Variants in SCTR observed in about 807,000 individuals in gnomAD.
SCTR encodes the protein secretin receptor, also known as pancreatic secretin receptor.
A neutral mutation model predicts 60.8 loss-of-function variants in SCTR; 56 were observed. That is an observed-to-expected ratio of 0.92 (90% CI 0.74 to 1.15). The LOEUF (loss-of-function observed/expected upper bound fraction) is 1.15. Ranked by LOEUF, SCTR falls within the 50% of genes most tolerant of loss-of-function variation. SCTR has a pLI of 0.00. For synonymous variants in SCTR, 202 were observed against 217.0 expected (o/e 0.93, Z 0.61); for missense variants, 562 against 550.4 (o/e 1.02, Z -0.21).
intron 1 of SCTR, among the ~76,000 whole-genome samples, chr2:119,507,835 C>A (rs1322018392): frequency 1.3e-5 from 2 of 151,782 alleles, no homozygotes; most frequent in African/African-American, 4.8e-5. Flanking sequence ...CCAGCCACCA[C>A]GCCCAACTAA....
At chr2:119,522,017 G>A (rs576734370) in intron 1 of SCTR, among the ~76,000 whole-genome samples, 1 of 152,190 alleles carries the variant, frequency 6.6e-6, no homozygotes, top group Non-Finnish European at 1.5e-5. Flanking sequence ...AGGGACCGCC[G>A]GGCGCGGTGG....
chr2:119,439,984 G>A lies in SCTR; in HGVS notation c.*133C>T, dbSNP rs561629309. Reference sequence around the variant, plus strand: ...TCACATCCCTTCGGAAGAGTCCAAGGCCTGGGGAGGGGCATCTTCAGCTGA... The same window carrying A: ...TCACATCCCTTCGGAAGAGTCCAAGACCTGGGGAGGGGCATCTTCAGCTGA... On this transcript the variant is annotated 3_prime_UTR_variant, in exon 13 of 13. Transcript: ENST00000019103. The A allele has an allele frequency of 4.0e-5, 37 of 925,210 alleles. No homozygotes were observed. In the South Asian group the frequency reaches 6.2e-4, roughly 16 times the overall value. 57.3% of individuals were successfully genotyped at this position (925,210 alleles called of 1,614,324 possible).
At chr2:119,464,454 GAAA>G (rs11323674) in intron 5 of SCTR, among the ~76,000 whole-genome samples, 199 bp from the exon 6 acceptor site, 1 of 126,802 alleles carries the variant, frequency 7.9e-6, no homozygotes, top group African/African-American at 2.9e-5. Flanking sequence ...GCTGCAGTGA[GAAA>G]AAAAAAAAAA....
intron 4 of SCTR, among the ~76,000 whole-genome samples, chr2:119,467,019 A>C (rs1313043775): frequency 1.3e-5 from 2 of 152,162 alleles, no homozygotes; most frequent in Non-Finnish European, 2.9e-5. Context: ...TCACTTATTC[A>C]GCAGCCACTT....
intron 1 of SCTR, among the ~76,000 whole-genome samples, chr2:119,502,975 C>G (rs1678601891): frequency 1.4e-5 from 2 of 138,644 alleles, no homozygotes; most frequent in Admixed American, 1.5e-4. Context: ...CACAGTGGAA[C>G]CTCATCTCTA....
intron 10 of SCTR, 82 bp from the exon 11 acceptor site, chr2:119,446,967 C>T: frequency 7.6e-7 from 1 of 1,308,324 alleles, no homozygotes; most frequent in Non-Finnish European, 9.9e-7. Flanking sequence ...TGTGCCACTC[C>T]CCAGCTCGGG....
At chr2:119,487,141 G>A (rs991491186) in intron 2 of SCTR, 2 of 152,208 alleles carry the variant, frequency 1.3e-5, no homozygotes, top group Non-Finnish European at 2.9e-5. Context: ...AATAGCCAGC[G>A]GCTGCAGACA....
chr2:119,507,782 G>A (rs937795316), intron 1 of SCTR, among the ~76,000 whole-genome samples: 3 of 147,324 alleles, frequency 2.0e-5, no homozygotes, highest in African/African-American at 5.0e-5. Context: ...AGGTTCAAGC[G>A]ACTCTCCTGC....
chr2:119,522,280 G>C (rs1472674480), intron 1 of SCTR, among the ~76,000 whole-genome samples: 1 of 150,792 alleles, frequency 6.6e-6, no homozygotes, highest in African/African-American at 2.4e-5. Context: ...TGGGCAACAA[G>C]AGTGAAACTC....
chr2:119,467,243 G>C (rs6729644), intron 4 of SCTR, among the ~76,000 whole-genome samples: 10,893 of 152,072 alleles, frequency 0.072, 1,270 homozygotes, highest in African/African-American at 0.25. Flanking sequence ...GCCAGGCATG[G>C]TGGCGTGCAC....
intron 1 of SCTR, among the ~76,000 whole-genome samples, chr2:119,497,891 A>G (rs946838338): frequency 1.3e-5 from 2 of 152,194 alleles, no homozygotes; most frequent in Non-Finnish European, 2.9e-5. Context: ...GATGGGGATT[A>G]TAACAAAATA....
chr2:119,464,962 T>C (rs1392866114), intron 5 of SCTR, among the ~76,000 whole-genome samples: 2 of 152,190 alleles, frequency 1.3e-5, no homozygotes, highest in South Asian at 2.1e-4. Flanking sequence ...GGAGCCTCAG[T>C]GTCCTCCTCT....
At chr2:119,487,818 T>C (rs1677938861) in intron 2 of SCTR, among the ~76,000 whole-genome samples, 2 of 152,172 alleles carry the variant, frequency 1.3e-5, no homozygotes, top group Non-Finnish European at 2.9e-5. Flanking sequence ...TGGTGTTTCC[T>C]GTGACTGGTC....
chr2:119,505,983 A>G (rs1678727852), intron 1 of SCTR, among the ~76,000 whole-genome samples: 1 of 152,226 alleles, frequency 6.6e-6, no homozygotes, highest in African/African-American at 2.4e-5. Flanking sequence ...ATCTATCAGA[A>G]TGGCTAAAAT....
At chr2:119,469,487 A>T (rs1187051951) in intron 4 of SCTR, among the ~76,000 whole-genome samples, 1 of 151,782 alleles carries the variant, frequency 6.6e-6, no homozygotes, top group Non-Finnish European at 1.5e-5. Context: ...TTCGGTCCTT[A>T]GCTTTTTTTT....
At position 119,524,137 on chromosome 2, in the gene SCTR, G is replaced by A. The variant is rs1679376292; in HGVS notation, c.72+18C>T. ...CGCTCCCTCGGGTCCCCAGCCTGCA[G>A]AAGGGCGCAGTACTCACCGAGTGCG... is the stretch of plus-strand genomic sequence containing the variant. On this transcript the variant is annotated intron_variant, in intron 1 of 12. Transcript: ENST00000019103. 1 of 1,543,260 alleles carries A rather than the reference G, an allele frequency of 6.5e-7. No homozygotes were observed. Among genetic ancestry groups the A allele is most frequent in the Non-Finnish European group, 8.8e-7 (1 of 1,142,036 alleles).
At chr2:119,507,375 A>G (rs1445275372) in intron 1 of SCTR, among the ~76,000 whole-genome samples, 1 of 152,198 alleles carries the variant, frequency 6.6e-6, no homozygotes, top group African/African-American at 2.4e-5. Flanking sequence ...TATCTTTTAA[A>G]CCTTTTAAAA....
chr2:119,524,423 C>A lies in SCTR; in HGVS notation c.-197G>T, dbSNP rs1243563521. ...GACCAGGTGGCCGCGCGCGCTAAGC[C>A]GCCCGCCCCATTGATCAGGACGCGG... On this transcript the variant is annotated 5_prime_UTR_variant, in exon 1 of 13. Coordinates refer to ENST00000019103, the MANE Select transcript of SCTR (RefSeq NM_002980.3). 3 of 381,480 alleles carry A rather than the reference C, an allele frequency of 7.9e-6. No homozygotes were observed. Among genetic ancestry groups the A allele is most frequent in the Non-Finnish European group, 1.4e-5 (3 of 216,650 alleles). 23.6% of individuals were successfully genotyped at this position (381,480 alleles called of 1,614,324 possible). A position where few individuals can be genotyped will look rare whatever the true frequency, so the allele number is the denominator to read the frequency against.
chr2:119,495,712 A>C (rs1333783731), intron 1 of SCTR, among the ~76,000 whole-genome samples: 1 of 152,172 alleles, frequency 6.6e-6, no homozygotes, highest in South Asian at 2.1e-4. Flanking sequence ...TGCTATCGGA[A>C]AGGATCTACC....
Sources: allele counts gnomAD v4.1 joint callset (sites outside exome capture counted in the v4.1 genomes callset), GRCh38; gene constraint gnomAD v4.1.1; transcripts MANE v1.5; gene names NCBI Gene and HGNC (gene_info 2026-07-23, HGNC 2026-07-21).